Variants in FYCO1 observed in about 807,000 individuals in gnomAD.
FYCO1 encodes the protein FYVE and coiled-coil domain-containing protein 1.
In FYCO1, 122 loss-of-function variants were observed where a neutral mutation model predicts 165.1. The observed-to-expected ratio is 0.74, with a 90% CI of 0.64 to 0.86. The LOEUF (loss-of-function observed/expected upper bound fraction) is 0.86, where lower values mean the gene tolerates loss of function less well. Among genes scored for constraint, FYCO1 ranks in the 40% least tolerant of loss-of-function variants. The pLI is 0.00. For missense variants in FYCO1, 1,702 were observed against 1,810.3 expected, an observed-to-expected ratio of 0.94 and a Z score of 1.09; for synonymous variants, 648 against 742.5, an observed-to-expected ratio of 0.87 and a Z score of 2.07.
chr3:45,950,867 C>A (rs1184793586), intron 14 of FYCO1, among the ~76,000 whole-genome samples: 1 of 152,168 alleles, frequency 6.6e-6, no homozygotes, highest in Admixed American at 6.5e-5. Flanking sequence ...GGTCAACCCA[C>A]GCGCAAGGTG....
At chr3:45,947,030 T>C (rs755990393) in intron 14 of FYCO1, 7 of 1,614,236 alleles carry the variant, frequency 4.3e-6, no homozygotes, top group Non-Finnish European at 5.1e-6. Context: ...GTGGTTACCA[T>C]GACGAGGCAA....
intron 15 of FYCO1, among the ~76,000 whole-genome samples, chr3:45,932,039 C>G (rs1238849692): frequency 1.3e-5 from 2 of 152,220 alleles, no homozygotes; most frequent in African/African-American, 4.8e-5. Flanking sequence ...GGCCAAGGGA[C>G]CTGCCTCACT....
intron 16 of FYCO1, among the ~76,000 whole-genome samples, chr3:45,925,233 AT>A (rs373178527): frequency 0.014 from 2,033 of 144,284 alleles, 45 homozygotes; most frequent in African/African-American, 0.041. Context: ...CAGCCCTTAC[AT>A]TTTTTTTTTT....
Position 45,967,390 on chromosome 3 carries a change from A to T in FYCO1, c.1944T>A (p.Ala648=). The T allele has an allele frequency of 6.2e-7, 1 of 1,611,610 alleles. No individual in the cohort carries two copies. Among genetic ancestry groups the T allele is most frequent in the Non-Finnish European group, 8.5e-7 (1 of 1,178,508 alleles). The part of the protein sequence containing the change: ...KLQALQADYQ[A]LQQRESAIQG... ...GGATGGCTGATTCCCGCTGCTGCAA[A>T]GCCTGGTAATCGGCCTGCAGGGCTT... The change falls in exon 8 of 18, where the codon GCT becomes GCA. Residue 648 remains alanine (A), a synonymous_variant. Coordinates refer to ENST00000296137, the MANE Select transcript of FYCO1 (RefSeq NM_024513.4).
intron 13 of FYCO1, 66 bp downstream of exon 13, chr3:45,958,342 A>G: frequency 1.4e-6 from 2 of 1,443,020 alleles, no homozygotes; most frequent in Non-Finnish European, 1.9e-6. Flanking sequence ...CTAACTAGCC[A>G]CAACATCGGT....
chr3:45,925,005 C>A (rs1209852870), intron 16 of FYCO1, among the ~76,000 whole-genome samples: 2 of 152,078 alleles, frequency 1.3e-5, no homozygotes, highest in Non-Finnish European at 2.9e-5. Flanking sequence ...TCTTGGCTCA[C>A]TGCAACCTGT....
rs1210697182 is a variant in FYCO1 at position 45,931,041 on chromosome 3, G to A, written c.4251+30C>T. The A allele has an allele frequency of 1.9e-6, 3 of 1,603,184 alleles. No homozygotes were observed. The South Asian group carries it at 3.3e-5, about 18-fold the overall frequency. Reference sequence around the variant, plus strand: ...CCCAAGTACCCAGATGTGTGTGTAAGGAGCCCACAGGCAGGGAGCCCAGCC... The same window carrying A: ...CCCAAGTACCCAGATGTGTGTGTAAAGAGCCCACAGGCAGGGAGCCCAGCC... On this transcript the variant is annotated intron_variant, in intron 16 of 17. Transcript: ENST00000296137.
chr3:45,955,429 C>A, intron 13 of FYCO1, 36 bp from the exon 14 acceptor site: 1 of 1,613,264 alleles, frequency 6.2e-7, no homozygotes, highest in African/African-American at 1.3e-5. Context: ...AGAAGAGACA[C>A]AACACACTGT....
At chr3:45,936,198 C>T (rs1188869936) in intron 15 of FYCO1, among the ~76,000 whole-genome samples, 1 of 152,040 alleles carries the variant, frequency 6.6e-6, no homozygotes, top group African/African-American at 2.4e-5. Context: ...GGGCAACTTC[C>T]TAGGGTGAGG....
At chr3:45,975,129 T>C (rs981893537) in intron 5 of FYCO1, 110 bp downstream of exon 5, 2 of 820,968 alleles carry the variant, frequency 2.4e-6, no homozygotes, top group South Asian at 1.4e-5. Context: ...GTCTGCAGTG[T>C]CACGGGGGAC....
chr3:45,954,216 T>TGG (rs35590437), intron 14 of FYCO1, among the ~76,000 whole-genome samples: 13,467 of 151,748 alleles, frequency 0.089, 990 homozygotes, highest in South Asian at 0.35. Context: ...TGACATTTTT[T>TGG]GGGGGGGGTA....
chr3:45,927,245 A>C (rs1468384267), intron 16 of FYCO1, among the ~76,000 whole-genome samples: 1 of 152,224 alleles, frequency 6.6e-6, no homozygotes, highest in African/African-American at 2.4e-5. Context: ...AGGCCCAGGG[A>C]AGCCAAACGA....
chr3:45,936,843 C>T (rs1433738419), intron 14 of FYCO1, among the ~76,000 whole-genome samples: 1 of 152,192 alleles, frequency 6.6e-6, no homozygotes, highest in Non-Finnish European at 1.5e-5. Flanking sequence ...ATCAACCACT[C>T]TCCTAGCCCA....
At chr3:45,947,207 G>C (rs558099799) in intron 14 of FYCO1, 1 of 1,614,032 alleles carries the variant, frequency 6.2e-7, no homozygotes, top group African/African-American at 1.3e-5. Flanking sequence ...TGTTCCTGCT[G>C]ACCCAGATGC....
chr3:45,946,629 T>G, intron 14 of FYCO1: 1 of 1,614,212 alleles, frequency 6.2e-7, no homozygotes, highest in Non-Finnish European at 8.5e-7. Context: ...GGTGGGGAAC[T>G]CTCTGGTGCT....
chr3:45,963,172 C>T (rs1705797708), intron 10 of FYCO1, among the ~76,000 whole-genome samples: 2 of 151,902 alleles, frequency 1.3e-5, no homozygotes, highest in African/African-American at 4.8e-5. Context: ...AGACCCTGTC[C>T]ACCAAAATGG....
chr3:45,945,027 T>C (rs536854535), intron 14 of FYCO1: 1 of 152,298 alleles, frequency 6.6e-6, no homozygotes, highest in Non-Finnish European at 1.5e-5. Flanking sequence ...GGATTTTTAT[T>C]AAGCAGTCTT....
At chr3:45,984,124 C>T (rs561291876) in intron 2 of FYCO1, among the ~76,000 whole-genome samples, 4 of 152,130 alleles carry the variant, frequency 2.6e-5, no homozygotes, top group Non-Finnish European at 4.4e-5. Context: ...CCTAGAGCTC[C>T]GAAGAGCTTA....
chr3:45,991,102 T>A (rs1448188334), intron 1 of FYCO1, among the ~76,000 whole-genome samples: 1 of 152,220 alleles, frequency 6.6e-6, no homozygotes, highest in African/African-American at 2.4e-5. Context: ...TTTAAAAAAA[T>A]TCTATTTCTC....
Sources: gnomAD v4.1 joint callset for allele counts (sites outside exome capture counted in the v4.1 genomes callset) on GRCh38, gnomAD v4.1.1 for gene constraint, MANE v1.5 for transcripts, NCBI Gene and HGNC (gene_info 2026-07-23, HGNC 2026-07-21) for gene names.